VPS13D: variants seen among roughly 807,000 people sequenced by gnomAD.
VPS13D encodes intermembrane lipid transfer protein VPS13D.
In VPS13D, 187 loss-of-function variants were observed where a neutral mutation model predicts 461.9. The ratio of observed to expected loss-of-function variants is 0.40; its 90% CI spans 0.36 to 0.46. VPS13D has a LOEUF of 0.46. VPS13D is among the 20% of genes least tolerant of loss of function. The probability of loss-of-function intolerance (pLI) is 0.60; values close to 1 mark genes in which losing one functional copy is unlikely to be tolerated. For missense variants in VPS13D, 4,711 were observed against 5,364.9 expected (o/e 0.88, Z 3.81); for synonymous variants, 1,951 against 1,986.3 (o/e 0.98, Z 0.47).
At chr1:12,330,019 GT>G in intron 37 of VPS13D, 101 bp downstream of exon 37, 3 of 618,924 alleles carry the variant, frequency 4.8e-6, no homozygotes, top group Non-Finnish European at 5.5e-6. Context: ...AAGGGCAGGG[GT>G]GGGGTGGGAC....
Position 12,400,253 on chromosome 1 carries a change from G to A in VPS13D, c.11707G>A (p.Val3903Ile), listed in dbSNP as rs1644557370. The A allele has an allele frequency of 6.2e-7, 1 of 1,614,032 alleles. No individual in the cohort carries two copies. Among genetic ancestry groups the A allele is most frequent in the Non-Finnish European group, 8.5e-7 (1 of 1,180,040 alleles). ...YVTPLSNENE[V>I]IETGPAVQVN... The stretch of plus-strand genomic sequence containing the variant: ...GACTCCCCTGAGCAATGAGAATGAG[G>A]TCATCGAGACCGGCCCAGCTGTGCA... Residue 3903 changes from valine (V) to isoleucine (I), a missense_variant, in exon 61 of 70, where the codon GTC becomes ATC. Val to Ile is a conservative substitution (Grantham distance 29, BLOSUM62 3). Transcript: ENST00000620676.
intron 5 of VPS13D, among the ~76,000 whole-genome samples, chr1:12,246,697 CT>C (rs200021474): frequency 0.018 from 2,784 of 152,268 alleles, 40 homozygotes; most frequent in Middle Eastern, 0.044. Context: ...AGGGTACGTT[CT>C]TTTGATAGTC....
intron 17 of VPS13D, 28 bp from the exon 18 acceptor site, chr1:12,272,975 A>C (rs1004666200): frequency 3.7e-6 from 6 of 1,607,760 alleles, no homozygotes; most frequent in Non-Finnish European, 5.1e-6. Context: ...TTCGGCAGTT[A>C]TGGTTAATGA....
chr1:12,369,626 A>G lies in VPS13D; in HGVS notation c.10732A>G (p.Met3578Val). ...GAGSSEINCNMNDFQDNRQLY... is the reference protein window; with the variant it reads ...GAGSSEINCNVNDFQDNRQLY... ...AGGGTCCTCTGAGATCAACTGCAAC[A>G]TGAATGATTTCCAGGATAATCGGCA... The change falls in exon 54 of 70, where the codon ATG becomes GTG. Residue 3578 changes from methionine (M) to valine (V), a missense_variant. Physicochemically the swap from Met to Val is conservative, Grantham distance 21. Around this residue, in one of 3 missense-constraint regions of VPS13D, gnomAD observed 4,411 missense variants for 4,937.8 expected, o/e 0.89. Coordinates refer to ENST00000620676, the MANE Select transcript of VPS13D (RefSeq NM_015378.4). 2.5e-6 allele frequency: 4 copies of G among 1,614,216 alleles called. No homozygotes were observed. Among genetic ancestry groups the G allele is most frequent in the Non-Finnish European group, 8.5e-7 (1 of 1,180,034 alleles).
At chr1:12,247,490 T>C (rs948233089) in intron 5 of VPS13D, among the ~76,000 whole-genome samples, 1 of 149,114 alleles carries the variant, frequency 6.7e-6, no homozygotes, top group African/African-American at 2.5e-5. Context: ...AAGAAAAAAA[T>C]TAAAAAAAAC....
rs771180052 is a variant in VPS13D, at chr1:12,277,149, G to C, written c.3561G>C (p.Glu1187Asp). ...LLRTVGMANR[E>D]KYGRKIATAS... ...GGACAGTGGGCATGGCAAATAGAGA[G>C]AAATATGGCAGAAAAATTGCAACTG... Residue 1187 changes from glutamate to aspartate, a missense_variant, in exon 19 of 70, where the codon GAG becomes GAC. Physicochemically the swap from Glu to Asp is conservative, Grantham distance 45 (BLOSUM62 2). This residue lies in a region of VPS13D where 4,411 missense variants were observed against 4,937.8 expected (regional missense o/e 0.89). Transcript: ENST00000620676. The C allele has an allele frequency of 2.0e-5, 32 of 1,614,188 alleles. No individual in the cohort carries two copies. Among genetic ancestry groups the C allele is most frequent in the Non-Finnish European group, 2.7e-5 (32 of 1,180,042 alleles).
chr1:12,309,271 C>T (rs1485691228), intron 27 of VPS13D, among the ~76,000 whole-genome samples: 18 of 140,352 alleles, frequency 1.3e-4, no homozygotes, highest in South Asian at 4.5e-4. Context: ...AGTATAGTGG[C>T]GAGATCTCAG....
At chr1:12,345,633 T>C in intron 43 of VPS13D, 124 bp downstream of exon 43, 4 of 1,329,834 alleles carry the variant, frequency 3.0e-6, no homozygotes, top group East Asian at 2.4e-5. Flanking sequence ...TAGGACTGAC[T>C]GGGTCAGTCA....
At chr1:12,461,373 T>A (rs889760029) in intron 67 of VPS13D, among the ~76,000 whole-genome samples, 26 of 152,192 alleles carry the variant, frequency 1.7e-4, no homozygotes, top group African/African-American at 5.8e-4. Flanking sequence ...TGAAGACACA[T>A]TACTGCAGTA....
At chr1:12,241,448 C>T (rs1048819716) in intron 2 of VPS13D, among the ~76,000 whole-genome samples, 1 of 152,160 alleles carries the variant, frequency 6.6e-6, no homozygotes, top group African/African-American at 2.4e-5. Flanking sequence ...CCTTGTGTCT[C>T]GCAAACAATT....
At chr1:12,333,471 G>C in intron 38 of VPS13D, 105 bp downstream of exon 38, 1 of 1,397,370 alleles carries the variant, frequency 7.2e-7, no homozygotes. Context: ...CCTGTACCAG[G>C]CATCACTTCT....
At chr1:12,235,487 A>C (rs1569618085) in intron 2 of VPS13D, among the ~76,000 whole-genome samples, 1 of 152,166 alleles carries the variant, frequency 6.6e-6, no homozygotes, top group Non-Finnish European at 1.5e-5. Context: ...AGGCAGGAGA[A>C]TCGCTTGAAA....
At chr1:12,389,190 G>A (rs1395959969) in intron 60 of VPS13D, among the ~76,000 whole-genome samples, 1 of 152,180 alleles carries the variant, frequency 6.6e-6, no homozygotes, top group Non-Finnish European at 1.5e-5. Flanking sequence ...CTTTATATTT[G>A]CTGGCAGCTG....
At position 12,302,236 on chromosome 1, in the gene VPS13D, C is replaced by T. The variant is rs529707535; in HGVS notation, c.6217-2270C>T. ...TGTGGTTGACTGAAATGGCATTATG[C>T]GGTGCACAACTGTATTTATTTGTGG... is the stretch of plus-strand genomic sequence containing the variant. On this transcript the variant is annotated intron_variant, in intron 25 of 69. Coordinates refer to ENST00000620676, the MANE Select transcript of VPS13D (RefSeq NM_015378.4). Among the ~76,000 whole-genome samples the T allele has an allele frequency of 3.3e-5, 5 of 152,238 alleles. No individual in the cohort carries two copies. The South Asian group carries it at 8.3e-4, about 25-fold the overall frequency.
In VPS13D at chr1:12,495,140, G is replaced by A. The variant is rs1263663998; in HGVS notation, c.12663-2360G>A. Among the ~76,000 whole-genome samples the A allele has an allele frequency of 6.7e-6, 1 of 150,278 alleles. No individual in the cohort carries two copies. Among genetic ancestry groups the A allele is most frequent in the Non-Finnish European group, 1.5e-5 (1 of 67,700 alleles). On this transcript the variant is annotated intron_variant, in intron 67 of 69. Coordinates refer to ENST00000620676, the MANE Select transcript of VPS13D (RefSeq NM_015378.4). This position sits in a 1 kb window ranked among gnomAD's most constrained non-coding sequence, Gnocchi z 4.0. Reference sequence around the variant, plus strand: ...GCTTTGAGCAGATGACTGACTTGATGTAACTTACCTTTTTTTTTTTTTTTT... The same window carrying A: ...GCTTTGAGCAGATGACTGACTTGATATAACTTACCTTTTTTTTTTTTTTTT...
In VPS13D at chr1:12,299,437, A is replaced by G; in HGVS notation, c.6216+53A>G. ...CCGTTCAGCTAGTATTTGATCACTA[A>G]TTGAAAAATTTGTATGCTGCTGTAA... On this transcript the variant is annotated intron_variant, in intron 25 of 69. Transcript: ENST00000620676. The surrounding 1 kb of genome is among the most constrained non-coding windows in gnomAD (Gnocchi z 4.2). The G allele has an allele frequency of 6.5e-7, 1 of 1,536,184 alleles. No homozygotes were observed.
chr1:12,379,104 C>T lies in VPS13D; in HGVS notation c.11082-384C>T, dbSNP rs1644239161. Among the ~76,000 whole-genome samples the T allele has an allele frequency of 2.6e-5, 4 of 152,094 alleles. No individual in the cohort carries two copies. The South Asian group carries it at 8.3e-4, about 31-fold the overall frequency. ...TTATTTCCAGAAAAACTTTAGTTGA[C>T]TTACAAGTTAGAACAGAAAAGAATT... On this transcript the variant is annotated intron_variant, in intron 56 of 69. Transcript: ENST00000620676.
At position 12,354,094 on chromosome 1, in the gene VPS13D, G is replaced by A; in HGVS notation, c.9552G>A (p.Val3184=). ...ATACCATATATCTCCTGCCAACTGT[G>A]GTAATCTGCAACTTGCTACCCTGTG... is the stretch of plus-strand genomic sequence containing the variant. ...PGHTIYLLPT[V]VICNLLPCEL... Residue 3184 remains valine, a synonymous_variant, in exon 47 of 70, where the codon GTG becomes GTA. Coordinates refer to ENST00000620676, the MANE Select transcript of VPS13D (RefSeq NM_015378.4). 6.2e-7 allele frequency: 1 copy of A among 1,614,090 alleles called. No homozygotes were observed. The highest frequency in any genetic ancestry group is 8.5e-7 in the Non-Finnish European group (1 of 1,180,018).
chr1:12,270,350 G>C (rs1294017709), intron 16 of VPS13D, among the ~76,000 whole-genome samples: 1 of 151,406 alleles, frequency 6.6e-6, no homozygotes, highest in Non-Finnish European at 1.5e-5. Flanking sequence ...CCAGCTACTC[G>C]GGAGGCAGGA....
Sources: gnomAD v4.1 joint callset for allele counts (sites outside exome capture counted in the v4.1 genomes callset) on GRCh38, gnomAD v4.1.1 for gene constraint, gnomAD v4.1.1 regional missense constraint, Gnocchi (gnomAD v3.1) non-coding constraint, MANE v1.5 for transcripts, NCBI Gene and HGNC (gene_info 2026-07-23, HGNC 2026-07-21) for gene names.